Variants in FRMD6 observed in about 807,000 individuals in gnomAD.
FRMD6 encodes the protein FERM domain containing 6.
A neutral mutation model predicts 73.2 loss-of-function variants in FRMD6; 37 were observed. The ratio of observed to expected loss-of-function variants is 0.51; its 90% confidence interval spans 0.39 to 0.66. The LOEUF (loss-of-function observed/expected upper bound fraction) is 0.66, where lower values mean the gene tolerates loss of function less well. Among genes scored for constraint, FRMD6 ranks in the 30% least tolerant of loss-of-function variants. The probability of loss-of-function intolerance (pLI) is 0.00; values close to 1 mark genes in which losing one functional copy is unlikely to be tolerated. For synonymous variants in FRMD6, 273 were observed against 282.2 expected (o/e 0.97, Z 0.33); for missense variants, 714 against 780.5 (o/e 0.91, Z 1.02).
rs146585974 is a variant in FRMD6 at position 51,521,068 on chromosome 14, A to G, written c.-210+31648A>G. ...AAAGACAAATCTAATCTATAGTAAT[A>G]GAAAGCAGATCACTGATTATCTGGG... On this transcript the variant is annotated intron_variant, in intron 1 of 14. Coordinates refer to the FRMD6 transcript ENST00000356218. 7.2e-5 allele frequency among the ~76,000 whole-genome samples: 11 copies of G among 152,376 alleles called. No homozygotes were observed. The East Asian group carries it at 1.5e-3, about 21-fold the overall frequency.
At chr14:51,497,710 A>T (rs1162221429) in intron 1 of FRMD6, among the ~76,000 whole-genome samples, 1 of 152,176 alleles carries the variant, frequency 6.6e-6, no homozygotes, top group Non-Finnish European at 1.5e-5. Context: ...TCCATACTAC[A>T]TGTTTGAAAC....
At chr14:51,526,505 C>T (rs1305029417) in intron 1 of FRMD6, among the ~76,000 whole-genome samples, 2 of 152,158 alleles carry the variant, frequency 1.3e-5, no homozygotes, top group Admixed American at 1.3e-4. Flanking sequence ...TGTGTTTCCC[C>T]AGAAATGAGC....
chr14:51,577,520 G>A (rs941604761), intron 2 of FRMD6, among the ~76,000 whole-genome samples: 8 of 152,130 alleles, frequency 5.3e-5, no homozygotes, highest in African/African-American at 1.9e-4. Flanking sequence ...TCTTCCATAC[G>A]AAACTCGCGT....
At chr14:51,524,027 T>C (rs1335487326) in intron 1 of FRMD6, among the ~76,000 whole-genome samples, 3 of 152,336 alleles carry the variant, frequency 2.0e-5, no homozygotes, top group Non-Finnish European at 4.4e-5. Flanking sequence ...CCCAGCTGCT[T>C]AGACCATGCA....
chr14:51,595,287 T>G (rs931063008), intron 2 of FRMD6, among the ~76,000 whole-genome samples: 1 of 152,362 alleles, frequency 6.6e-6, no homozygotes, highest in Admixed American at 6.5e-5. Flanking sequence ...AAGATCCCTT[T>G]GAACTCAAAT....
chr14:51,634,069 C>A lies in FRMD6; in HGVS notation c.-146-55622C>A, dbSNP rs540238901. On this transcript the variant is annotated intron_variant, in intron 2 of 14. Transcript: ENST00000356218. ...ACATGATTAGCCATGTCCTAAGATA[C>A]AACGTCCACAAATATGGATTTGTGA... 2.0e-5 allele frequency among the ~76,000 whole-genome samples: 3 copies of A among 152,336 alleles called. No homozygotes were observed. In the South Asian group the frequency reaches 6.2e-4, roughly 32 times the overall value.
At chr14:51,519,305 C>T (rs758837184) in intron 1 of FRMD6, among the ~76,000 whole-genome samples, 5 of 151,930 alleles carry the variant, frequency 3.3e-5, no homozygotes, top group South Asian at 2.1e-4. Context: ...GCTGGGACTA[C>T]AGGCAGGTGC....
At chr14:51,573,026 A>C (rs55692665) in intron 2 of FRMD6, among the ~76,000 whole-genome samples, 39,098 of 151,992 alleles carry the variant, frequency 0.26, 5,183 homozygotes, top group Middle Eastern at 0.34. Flanking sequence ...CCCACACACA[A>C]AAATCATCTG....
At chr14:51,423,312 G>C in the FRMD6 span, among the ~76,000 whole-genome samples, 1 of 152,112 alleles carries the variant, frequency 6.6e-6, no homozygotes, top group African/African-American at 2.4e-5. Context: ...CCTTACATGG[G>C]GGCACCCGTC....
chr14:51,490,560 C>A (rs926850027), intron 1 of FRMD6, among the ~76,000 whole-genome samples: 2 of 151,408 alleles, frequency 1.3e-5, no homozygotes, highest in African/African-American at 4.9e-5. Context: ...TGGCTGTATA[C>A]GTGTGTATAG....
chr14:51,399,432 G>A, the FRMD6 span, among the ~76,000 whole-genome samples: 1 of 152,164 alleles, frequency 6.6e-6, no homozygotes, highest in Non-Finnish European at 1.5e-5. Flanking sequence ...GTAGATACAT[G>A]AGTGCCTAGT....
chr14:51,486,084 G>A (rs571186929), upstream of FRMD6, among the ~76,000 whole-genome samples: 89 of 151,040 alleles, frequency 5.9e-4, no homozygotes, highest in Non-Finnish European at 1.1e-3. Flanking sequence ...ACCCAGGCTG[G>A]AGTGCAGTGG....
At chr14:51,478,058 T>C in the FRMD6 span, among the ~76,000 whole-genome samples, 11 of 152,214 alleles carry the variant, frequency 7.2e-5, no homozygotes, top group Non-Finnish European at 1.3e-4. Flanking sequence ...TATAGCATGT[T>C]ATATGACATG....
chr14:51,503,102 A>G (rs960945642), intron 1 of FRMD6, among the ~76,000 whole-genome samples: 1 of 152,204 alleles, frequency 6.6e-6, no homozygotes, highest in Non-Finnish European at 1.5e-5. Flanking sequence ...TTGGGCTGAG[A>G]CAATGGGATT....
At chr14:51,429,244 A>G in the FRMD6 span, among the ~76,000 whole-genome samples, 1 of 152,194 alleles carries the variant, frequency 6.6e-6, no homozygotes, top group African/African-American at 2.4e-5. Context: ...TCACCTGGTT[A>G]AGACTTGCTC....
At chr14:51,457,804 A>G in the FRMD6 span, among the ~76,000 whole-genome samples, 2 of 152,226 alleles carry the variant, frequency 1.3e-5, no homozygotes. Context: ...TTGAGAGAGT[A>G]TGTGTTAGGA....
At chr14:51,438,235 G>C in the FRMD6 span, among the ~76,000 whole-genome samples, 1 of 152,170 alleles carries the variant, frequency 6.6e-6, no homozygotes, top group Non-Finnish European at 1.5e-5. Flanking sequence ...AATTCTCTCT[G>C]AATGATGACT....
At chr14:51,531,562 C>G (rs1361867300) in intron 1 of FRMD6, among the ~76,000 whole-genome samples, 2 of 152,270 alleles carry the variant, frequency 1.3e-5, no homozygotes, top group African/African-American at 4.8e-5. Context: ...TAGTTTTGAT[C>G]ATTATCACTT....
the FRMD6 span, among the ~76,000 whole-genome samples, chr14:51,397,701 G>A: frequency 6.6e-6 from 1 of 152,154 alleles, no homozygotes; most frequent in African/African-American, 2.4e-5. Flanking sequence ...AATGTTTTGA[G>A]CACTGACATC....
Sources: gnomAD v4.1 joint callset for allele counts (sites outside exome capture counted in the v4.1 genomes callset) on GRCh38, gnomAD v4.1.1 for gene constraint, MANE v1.5 for transcripts, NCBI Gene and HGNC (gene_info 2026-07-23, HGNC 2026-07-21) for gene names.